The following CTNNA2 variants were observed in gnomAD, a reference collection of about 807,000 sequenced individuals.
CTNNA2 encodes the protein catenin alpha 2.
Under a neutral mutation model 101.0 loss-of-function variants are expected in CTNNA2, and 42 were observed. The observed-to-expected ratio is 0.42, with a 90% confidence interval of 0.32 to 0.54. The LOEUF (loss-of-function observed/expected upper bound fraction) is 0.54, where lower values mean the gene tolerates loss of function less well. CTNNA2 is among the 20% of genes least tolerant of loss of function. CTNNA2 has a pLI of 0.14. For synonymous variants in CTNNA2, 450 were observed against 456.4 expected, an observed-to-expected ratio of 0.99 and a Z score of 0.18; for missense variants, 871 against 1,223.1, an observed-to-expected ratio of 0.71 and a Z score of 4.29.
intron 2 of CTNNA2, among the ~76,000 whole-genome samples, chr2:79,306,105 A>G (rs1676238375): frequency 6.6e-6 from 1 of 151,856 alleles, no homozygotes; most frequent in African/African-American, 2.4e-5. Context: ...AACCCATAGG[A>G]CACTATGTTA....
intron 7 of CTNNA2, among the ~76,000 whole-genome samples, chr2:80,361,592 G>T (rs1222750308): frequency 6.6e-6 from 1 of 151,984 alleles, no homozygotes; most frequent in Admixed American, 6.6e-5. Flanking sequence ...CCCAAAAAAA[G>T]GACATTTTAA....
At chr2:79,497,895 G>A (rs1192769514) in intron 4 of CTNNA2, among the ~76,000 whole-genome samples, 1 of 152,162 alleles carries the variant, frequency 6.6e-6, no homozygotes, top group Non-Finnish European at 1.5e-5. Flanking sequence ...TTTCTTTGAA[G>A]AATAAAGAAC....
At chr2:79,396,408 C>T (rs1294120518) in intron 4 of CTNNA2, among the ~76,000 whole-genome samples, 1 of 152,154 alleles carries the variant, frequency 6.6e-6, no homozygotes, top group Non-Finnish European at 1.5e-5. Context: ...ATCTGCCCGC[C>T]TCGGCCTCCC....
intron 1 of CTNNA2, among the ~76,000 whole-genome samples, chr2:79,612,129 C>A (rs886974762): frequency 6.6e-6 from 1 of 152,116 alleles, no homozygotes; most frequent in African/African-American, 2.4e-5. Context: ...ATTTCAAAAA[C>A]AAGTTTATGG....
At chr2:80,205,934 A>G (rs1005741679) in intron 7 of CTNNA2, among the ~76,000 whole-genome samples, 1 of 152,230 alleles carries the variant, frequency 6.6e-6, no homozygotes, top group African/African-American at 2.4e-5. Flanking sequence ...AGGACAATGC[A>G]TTTAAAACAT....
At chr2:80,202,063 C>A (rs1020742337) in intron 7 of CTNNA2, among the ~76,000 whole-genome samples, 5 of 152,178 alleles carry the variant, frequency 3.3e-5, no homozygotes. Flanking sequence ...CTACTAGCTT[C>A]AACTGATGCT....
intron 7 of CTNNA2, among the ~76,000 whole-genome samples, chr2:80,365,151 G>A (rs983266278): frequency 3.9e-5 from 6 of 152,016 alleles, no homozygotes; most frequent in Admixed American, 2.0e-4. Context: ...CACCTTTACC[G>A]TATCTATTCA....
intron 2 of CTNNA2, among the ~76,000 whole-genome samples, chr2:79,299,249 T>A (rs989601233): frequency 1.3e-5 from 2 of 152,146 alleles, no homozygotes; most frequent in Non-Finnish European, 2.9e-5. Context: ...CTATTGGAAC[T>A]CACAGGTGAG....
At chr2:79,677,707 AC>A (rs1326229598) in intron 2 of CTNNA2, among the ~76,000 whole-genome samples, 1 of 152,012 alleles carries the variant, frequency 6.6e-6, no homozygotes. Context: ...TCAACCTTCC[AC>A]CCCCTATAGG....
intron 7 of CTNNA2, among the ~76,000 whole-genome samples, chr2:80,020,817 G>C (rs1402203631): frequency 1.3e-5 from 2 of 151,998 alleles, no homozygotes; most frequent in Admixed American, 1.3e-4. Context: ...GGAGAAGAAA[G>C]AATTTGGAAA....
intron 1 of CTNNA2, among the ~76,000 whole-genome samples, chr2:79,591,334 T>C (rs926729901): frequency 6.6e-6 from 1 of 152,200 alleles, no homozygotes; most frequent in East Asian, 1.9e-4. Flanking sequence ...TGTTATCCTG[T>C]GGCATTTTAA....
At chr2:80,633,181 G>A (rs1672476122) in intron 18 of CTNNA2, among the ~76,000 whole-genome samples, 2 of 152,260 alleles carry the variant, frequency 1.3e-5, no homozygotes, top group South Asian at 4.1e-4. Context: ...ATTTCGTGGT[G>A]TGTGCTGCAT....
chr2:79,433,282 G>A (rs1410890285), intron 4 of CTNNA2, among the ~76,000 whole-genome samples: 3 of 152,192 alleles, frequency 2.0e-5, no homozygotes, highest in Non-Finnish European at 2.9e-5. Flanking sequence ...ACAGGGACAA[G>A]TCAGAAACAA....
chr2:80,588,051 G>T (rs1366400225), intron 14 of CTNNA2, among the ~76,000 whole-genome samples: 3 of 152,182 alleles, frequency 2.0e-5, no homozygotes, highest in African/African-American at 7.2e-5. Flanking sequence ...CCTCAGAGCT[G>T]CCAGTCAAGA....
intron 1 of CTNNA2, among the ~76,000 whole-genome samples, chr2:79,568,180 CTAAA>C (rs1675233088): frequency 6.6e-6 from 1 of 152,158 alleles, no homozygotes; most frequent in Non-Finnish European, 1.5e-5. Context: ...ATCGTAAGTG[CTAAA>C]TAAATATTAT....
intron 6 of CTNNA2, among the ~76,000 whole-genome samples, chr2:79,893,787 AT>A (rs1311114954): frequency 6.6e-6 from 1 of 152,178 alleles, no homozygotes; most frequent in Non-Finnish European, 1.5e-5. Context: ...TTTTAAGTCA[AT>A]TATGCTATTT....
chr2:80,336,113 C>T (rs1224743330), intron 7 of CTNNA2, among the ~76,000 whole-genome samples: 1 of 152,180 alleles, frequency 6.6e-6, no homozygotes, highest in Non-Finnish European at 1.5e-5. Flanking sequence ...GACTGGCTGA[C>T]TTAAAAGCAA....
chr2:79,979,970 A>G (rs749489302), intron 7 of CTNNA2, among the ~76,000 whole-genome samples: 6 of 152,182 alleles, frequency 3.9e-5, no homozygotes, highest in Non-Finnish European at 8.8e-5. Context: ...GTTCTCATCT[A>G]TAACTGGAGA....
chr2:79,490,954 G>A (rs1446072205), intron 4 of CTNNA2, among the ~76,000 whole-genome samples: 3 of 152,114 alleles, frequency 2.0e-5, no homozygotes, highest in African/African-American at 7.2e-5. Flanking sequence ...AGTAGAAGTG[G>A]TTATATGCAT....
Sources: allele counts gnomAD v4.1 joint callset (sites outside exome capture counted in the v4.1 genomes callset), GRCh38; gene constraint gnomAD v4.1.1; transcripts MANE v1.5; gene names NCBI Gene and HGNC (gene_info 2026-07-23, HGNC 2026-07-21).